Variants in KITLG observed in about 807,000 individuals in gnomAD.
The protein encoded by KITLG is c-Kit ligand.
KITLG carries 13 observed loss-of-function variants against 34.1 expected under a neutral mutation model. The observed-to-expected ratio is 0.38, with a 90% CI of 0.25 to 0.61. The LOEUF (loss-of-function observed/expected upper bound fraction) is 0.61, where lower values mean the gene tolerates loss of function less well. KITLG is among the 20% of genes least tolerant of loss of function. The pLI, the probability that KITLG is intolerant of heterozygous loss-of-function variation, is 0.60. For synonymous variants in KITLG, 110 were observed against 104.0 expected (o/e 1.06, Z -0.35); for missense variants, 292 against 318.9 (o/e 0.92, Z 0.64).
At chr12:88,507,849 AC>A (rs1437360574) in intron 6 of KITLG, among the ~76,000 whole-genome samples, 5 of 152,146 alleles carry the variant, frequency 3.3e-5, no homozygotes, top group African/African-American at 4.8e-5. Context: ...GGTTTGGGAC[AC>A]CTTTCTTGAT....
chr12:88,532,365 T>C lies in KITLG; in HGVS notation c.192+76A>G, dbSNP rs1209210384. ...AAGCAAGCTCCTAAATAGCAGCTAG[T>C]GTACTATCTCAATATGAATGATCCC... On this transcript the variant is annotated intron_variant, in intron 3 of 9. Transcript: ENST00000644744. 21 of 1,028,762 alleles carry C rather than the reference T, an allele frequency of 2.0e-5. No individual in the cohort carries two copies. The South Asian group carries it at 2.7e-4, about 13-fold the overall frequency. 63.7% of individuals were successfully genotyped at this position (1,028,762 alleles called of 1,614,324 possible).
chr12:88,501,813 G>T (rs1165011612), intron 9 of KITLG, among the ~76,000 whole-genome samples: 2 of 151,692 alleles, frequency 1.3e-5, no homozygotes, highest in Non-Finnish European at 2.9e-5. Context: ...GTAATTCTGA[G>T]ATATTCATTC....
chr12:88,563,948 G>A (rs1490022886), intron 1 of KITLG, among the ~76,000 whole-genome samples: 3 of 140,276 alleles, frequency 2.1e-5, no homozygotes, highest in Non-Finnish European at 4.7e-5. Flanking sequence ...GGCAACAAGA[G>A]CAAAACTCCA....
At chr12:88,525,866 AT>A (rs1220063665) in intron 3 of KITLG, among the ~76,000 whole-genome samples, 1 of 152,180 alleles carries the variant, frequency 6.6e-6, no homozygotes, top group Non-Finnish European at 1.5e-5. Context: ...GGGAGAGAAA[AT>A]GTGGGCTGAA....
At chr12:88,529,781 C>T (rs1035852360) in intron 3 of KITLG, among the ~76,000 whole-genome samples, 11 of 152,134 alleles carry the variant, frequency 7.2e-5, no homozygotes, top group African/African-American at 1.2e-4. Flanking sequence ...TTCGCAGAAA[C>T]GAACATGTCA....
At position 88,499,977 on chromosome 12, in the gene KITLG, A is replaced by G. The variant is rs968900431; in HGVS notation, c.*38-2796T>C. Among the ~76,000 whole-genome samples, 3 of 152,090 alleles carry G rather than the reference A, an allele frequency of 2.0e-5. No individual in the cohort carries two copies. The South Asian group carries it at 6.2e-4, about 32-fold the overall frequency. ...CACACCTCAGCTTTGATTGTCACCCACATCTTTCCTACACCATTTTCTCCC... is the reference window on the plus strand; with the variant it reads ...CACACCTCAGCTTTGATTGTCACCCGCATCTTTCCTACACCATTTTCTCCC... On this transcript the variant is annotated intron_variant, in intron 9 of 9. Transcript: ENST00000644744.
intron 1 of KITLG, chr12:88,564,398 CA>C (rs1422195171): frequency 7.0e-6 from 1 of 141,894 alleles, no homozygotes; most frequent in East Asian, 2.1e-4. Flanking sequence ...AACTGGATAG[CA>C]AAGAGATTTT....
intron 1 of KITLG, among the ~76,000 whole-genome samples, chr12:88,557,431 AG>A (rs1463449364): frequency 6.6e-6 from 1 of 152,192 alleles, no homozygotes; most frequent in Non-Finnish European, 1.5e-5. Flanking sequence ...AAAGCTCTTT[AG>A]CAGTTATACA....
intron 2 of KITLG, among the ~76,000 whole-genome samples, chr12:88,545,026 G>T (rs1020252716): frequency 2.6e-5 from 4 of 152,084 alleles, no homozygotes; most frequent in Admixed American, 6.6e-5. Context: ...AATCATACAT[G>T]GTTCAAAAAA....
intron 1 of KITLG, among the ~76,000 whole-genome samples, chr12:88,572,940 A>G (rs1871704651): frequency 2.0e-5 from 3 of 152,178 alleles, no homozygotes; most frequent in Non-Finnish European, 4.4e-5. Flanking sequence ...CCCACGGAAT[A>G]CAGCAGTTTT....
At chr12:88,539,060 T>C (rs1275053241) in intron 2 of KITLG, among the ~76,000 whole-genome samples, 3 of 152,156 alleles carry the variant, frequency 2.0e-5, no homozygotes, top group Non-Finnish European at 4.4e-5. Flanking sequence ...TGGCACTGGC[T>C]GCATACCACA....
At chr12:88,510,141 A>C (rs1398054635) in intron 6 of KITLG, among the ~76,000 whole-genome samples, 1 of 152,176 alleles carries the variant, frequency 6.6e-6, no homozygotes, top group African/African-American at 2.4e-5. Flanking sequence ...AATAACCAAC[A>C]TCTGTAGAAA....
At chr12:88,555,357 C>T (rs1403199751) in intron 1 of KITLG, among the ~76,000 whole-genome samples, 1 of 152,140 alleles carries the variant, frequency 6.6e-6, no homozygotes, top group Non-Finnish European at 1.5e-5. Context: ...GATATTATTA[C>T]CCTACTCTGC....
At chr12:88,561,183 T>C (rs925051342) in intron 1 of KITLG, among the ~76,000 whole-genome samples, 4 of 152,092 alleles carry the variant, frequency 2.6e-5, no homozygotes, top group Non-Finnish European at 4.4e-5. Context: ...ATGGGTGTAA[T>C]AACAGAACTG....
chr12:88,576,196 T>C (rs1871818456), intron 1 of KITLG, among the ~76,000 whole-genome samples: 1 of 152,224 alleles, frequency 6.6e-6, no homozygotes, highest in African/African-American at 2.4e-5. Flanking sequence ...CTCATTCATT[T>C]GTACTTTAAA....
In KITLG at chr12:88,493,726, C is replaced by T. The variant is rs1024086472; in HGVS notation, c.*3493G>A. 14 of 152,014 alleles carry T rather than the reference C, an allele frequency of 9.2e-5. No individual in the cohort carries two copies. The highest frequency in any genetic ancestry group is 4.1e-4 in the South Asian group (2 of 4,832). The allele number at this position is 152,014 out of a possible 1,614,324, so 9.4% of individuals were successfully genotyped here. A position where few individuals can be genotyped will look rare whatever the true frequency, so the allele number is the denominator to read the frequency against. The stretch of plus-strand genomic sequence containing the variant: ...TTTCAATAAAATGAGAAGATTTAAA[C>T]GCTCACTTTGGTGCATTTCCAAATG... On this transcript the variant is annotated 3_prime_UTR_variant, in exon 10 of 10. Coordinates refer to ENST00000644744, the MANE Select transcript of KITLG (RefSeq NM_000899.5).
intron 1 of KITLG, among the ~76,000 whole-genome samples, chr12:88,560,967 CAAAAAAAAAAAAAAA>C (rs34851499): frequency 3.4e-5 from 2 of 58,084 alleles, no homozygotes; most frequent in South Asian, 9.6e-4. Flanking sequence ...GACTCTGTCT[CAAAAAAAAAAAAAAA>C]AAAAAAAAAA....
chr12:88,532,236 T>C (rs1870123782), intron 3 of KITLG, among the ~76,000 whole-genome samples: 1 of 151,904 alleles, frequency 6.6e-6, no homozygotes, highest in South Asian at 2.1e-4. Flanking sequence ...GTCTAGGATA[T>C]ATGTGCTGAA....
Position 88,558,548 on chromosome 12 carries a change from C to T in KITLG, c.16-12683G>A, listed in dbSNP as rs1194166889. On this transcript the variant is annotated intron_variant, in intron 1 of 9. Coordinates refer to ENST00000644744, the MANE Select transcript of KITLG (RefSeq NM_000899.5). ...ATTATGCAATGTGTGTGAGACATAC[C>T]AACTGCCTTTTTAGTGGGATGGAAT... is the stretch of plus-strand genomic sequence containing the variant. Among the ~76,000 whole-genome samples, 3 of 152,294 alleles carry T rather than the reference C, an allele frequency of 2.0e-5. No homozygotes were observed. The East Asian group carries it at 5.8e-4, about 29-fold the overall frequency.
Sources: allele counts gnomAD v4.1 joint callset (sites outside exome capture counted in the v4.1 genomes callset), GRCh38; gene constraint gnomAD v4.1.1; transcripts MANE v1.5; gene names NCBI Gene and HGNC (gene_info 2026-07-23, HGNC 2026-07-21).